Variants in FARS2 observed in about 807,000 individuals in gnomAD.
FARS2 encodes phenylalanine--tRNA ligase, mitochondrial.
Under a neutral mutation model 46.4 loss-of-function variants are expected in FARS2, and 40 were observed. The ratio of observed to expected loss-of-function variants is 0.86; its 90% CI spans 0.67 to 1.12. The LOEUF (loss-of-function observed/expected upper bound fraction) is 1.12. Ranked by LOEUF, FARS2 falls within the 50% of genes most tolerant of loss-of-function variation. The pLI is 0.00. For missense variants in FARS2, 513 were observed against 567.9 expected (o/e 0.90, Z 0.98); for synonymous variants, 234 against 214.9 (o/e 1.09, Z -0.78).
At chr6:5,513,954 G>A (rs966629376) in intron 4 of FARS2, among the ~76,000 whole-genome samples, 2 of 152,002 alleles carry the variant, frequency 1.3e-5, no homozygotes, top group Admixed American at 1.3e-4. Flanking sequence ...TATTGATCCA[G>A]CCAAATGCAC....
intron 1 of FARS2, among the ~76,000 whole-genome samples, chr6:5,342,582 G>GTC (rs1771733288): frequency 6.6e-6 from 1 of 151,938 alleles, no homozygotes; most frequent in South Asian, 2.1e-4. Context: ...GAAAAACCCT[G>GTC]TCTCTACTAA....
chr6:5,457,897 T>TAAAAA (rs1764992484), intron 4 of FARS2: 1 of 152,214 alleles, frequency 6.6e-6, no homozygotes, highest in African/African-American at 2.4e-5. Flanking sequence ...TTCCTACCTG[T>TAAAAA]AACACACAGA....
At chr6:5,404,360 G>A (rs1291778233) in intron 2 of FARS2, among the ~76,000 whole-genome samples, 182 bp from the exon 3 acceptor site, 4 of 152,186 alleles carry the variant, frequency 2.6e-5, no homozygotes, top group African/African-American at 9.7e-5. Flanking sequence ...GTAGCGTAGT[G>A]TTTTCTTCAG....
intron 3 of FARS2, among the ~76,000 whole-genome samples, chr6:5,406,778 A>G (rs910578882): frequency 1.3e-5 from 2 of 151,360 alleles, no homozygotes; most frequent in Non-Finnish European, 2.9e-5. Flanking sequence ...TCATAAACAT[A>G]GGTATATGTT....
chr6:5,641,674 T>C (rs1039907718), intron 6 of FARS2, among the ~76,000 whole-genome samples: 1 of 152,248 alleles, frequency 6.6e-6, no homozygotes, highest in Non-Finnish European at 1.5e-5. Context: ...AACTCAGGAT[T>C]GATGTCAGCC....
intron 6 of FARS2, among the ~76,000 whole-genome samples, chr6:5,646,344 A>G (rs866286010): frequency 1.3e-5 from 2 of 152,208 alleles, no homozygotes; most frequent in African/African-American, 4.8e-5. Context: ...GTTCTGACGA[A>G]CGAGCTGTGG....
At chr6:5,443,644 G>T (rs1285330130) in intron 4 of FARS2, among the ~76,000 whole-genome samples, 1 of 152,186 alleles carries the variant, frequency 6.6e-6, no homozygotes, top group African/African-American at 2.4e-5. Flanking sequence ...CAACCTCAGG[G>T]CCTGGAGCCC....
chr6:5,578,808 C>CAAAAAAAAA (rs56248218), intron 5 of FARS2, among the ~76,000 whole-genome samples: 1 of 124,372 alleles, frequency 8.0e-6, no homozygotes, highest in Non-Finnish European at 1.6e-5. Context: ...CACTCCGTCT[C>CAAAAAAAAA]AAAAAAAAAA....
chr6:5,254,890 T>C, the FARS2 span, among the ~76,000 whole-genome samples: 1 of 152,106 alleles, frequency 6.6e-6, no homozygotes, highest in Non-Finnish European at 1.5e-5. Flanking sequence ...AAAATTCCGG[T>C]GGGAGGTGGA....
In FARS2 at chr6:5,372,861, T is replaced by C. The variant is rs181197344; in HGVS notation, c.612+3679T>C. ...CTTTAGATATGTTTATTTTAAAAAT[T>C]GAAAATGGAAATCATCAAATTAAGT... On this transcript the variant is annotated intron_variant, in intron 2 of 6. Transcript: ENST00000274680. Among the ~76,000 whole-genome samples the C allele has an allele frequency of 1.1e-3, 166 of 152,226 alleles. 1 individual carries two copies. The highest frequency in any genetic ancestry group is 3.9e-3 in the African/African-American group (161 of 41,548).
At chr6:5,562,706 A>ACACACG (rs2150539482) in intron 5 of FARS2, among the ~76,000 whole-genome samples, 1 of 151,738 alleles carries the variant, frequency 6.6e-6, no homozygotes, top group African/African-American at 2.4e-5. Flanking sequence ...ACACACACAC[A>ACACACG]CACACACACA....
At chr6:5,280,365 C>G (rs1766635786) in intron 1 of FARS2, among the ~76,000 whole-genome samples, 2 of 152,188 alleles carry the variant, frequency 1.3e-5, no homozygotes, top group African/African-American at 4.8e-5. Flanking sequence ...TACATGCCCA[C>G]TCAGAAGTTG....
At chr6:5,319,811 AG>A (rs1160726943) in intron 1 of FARS2, among the ~76,000 whole-genome samples, 1 of 152,172 alleles carries the variant, frequency 6.6e-6, no homozygotes, top group African/African-American at 2.4e-5. Flanking sequence ...AAGGGAGACA[AG>A]AAGGTAGGGG....
At chr6:5,500,933 CGAGAGAGAGAGAGA>C (rs58128430) in intron 4 of FARS2, among the ~76,000 whole-genome samples, 72 of 143,436 alleles carry the variant, frequency 5.0e-4, no homozygotes, top group South Asian at 4.8e-4. Flanking sequence ...TTCAAATCCC[CGAGAGAGAGAGAGA>C]GAGAGAGAGA....
chr6:5,645,902 A>G (rs778817893), intron 6 of FARS2, among the ~76,000 whole-genome samples: 49 of 152,188 alleles, frequency 3.2e-4, no homozygotes, highest in Non-Finnish European at 6.0e-4. Context: ...GCCATGTGGC[A>G]ATTGGTTGTC....
intron 1 of FARS2, among the ~76,000 whole-genome samples, chr6:5,278,398 T>G (rs1467559941): frequency 6.6e-6 from 1 of 152,162 alleles, no homozygotes; most frequent in Non-Finnish European, 1.5e-5. Flanking sequence ...TGGTTGGTTG[T>G]TTTTTTAACT....
At position 5,526,776 on chromosome 6, in the gene FARS2, C is replaced by G. The variant is rs369795503; in HGVS notation, c.905-18404C>G. ...GGATTACAGGTGCCCACCCCTACAC[C>G]CAGTTAATTTTTGTGTATTTAGTAG... On this transcript the variant is annotated intron_variant, in intron 4 of 6. Transcript: ENST00000274680. 2.6e-4 allele frequency among the ~76,000 whole-genome samples: 40 copies of G among 152,128 alleles called. No homozygotes were observed. The East Asian group carries it at 7.0e-3, about 26-fold the overall frequency.
At chr6:5,601,593 T>C (rs9502322) in intron 5 of FARS2, among the ~76,000 whole-genome samples, 41,391 of 148,392 alleles carry the variant, frequency 0.28, 6,435 homozygotes, top group African/African-American at 0.42. Context: ...GTTAACAGCA[T>C]AGCCTGGCCT....
intron 6 of FARS2, among the ~76,000 whole-genome samples, chr6:5,703,849 A>G (rs1366290405): frequency 1.3e-5 from 2 of 152,194 alleles, no homozygotes; most frequent in Non-Finnish European, 1.5e-5. Flanking sequence ...AAGGCTGTGC[A>G]GGCCTGGGTT....
Sources: gnomAD v4.1 joint callset for allele counts (sites outside exome capture counted in the v4.1 genomes callset) on GRCh38, gnomAD v4.1.1 for gene constraint, MANE v1.5 for transcripts, NCBI Gene and HGNC (gene_info 2026-07-23, HGNC 2026-07-21) for gene names.